GRK5: variants seen among roughly 807,000 people sequenced by gnomAD.
GRK5 encodes the protein g protein-coupled receptor kinase GRK5.
Under a neutral mutation model 78.4 loss-of-function variants are expected in GRK5, and 40 were observed. The observed-to-expected ratio is 0.51, with a 90% CI of 0.40 to 0.66. GRK5 has a LOEUF of 0.66. Ranked by LOEUF, GRK5 falls within the 30% of genes least tolerant of loss-of-function variation. The probability of loss-of-function intolerance (pLI) is 0.00; values close to 1 mark genes in which losing one functional copy is unlikely to be tolerated. For missense variants in GRK5, 598 were observed against 759.9 expected, an observed-to-expected ratio of 0.79 and a Z score of 2.50; for synonymous variants, 289 against 296.8, an observed-to-expected ratio of 0.97 and a Z score of 0.27.
intron 1 of GRK5, among the ~76,000 whole-genome samples, chr10:119,261,258 C>G (rs1158246788): frequency 1.3e-5 from 2 of 150,558 alleles, no homozygotes; most frequent in East Asian, 2.0e-4. Context: ...ACCTCCCAGA[C>G]GGGGTGGCGG....
intron 2 of GRK5, among the ~76,000 whole-genome samples, chr10:119,338,606 AC>A (rs1411510703): frequency 2.0e-5 from 3 of 152,156 alleles, no homozygotes; most frequent in African/African-American, 7.2e-5. Context: ...CATGGTGGAT[AC>A]ATCAGTGAGC....
intron 3 of GRK5, among the ~76,000 whole-genome samples, chr10:119,391,129 T>C: frequency 6.6e-6 from 1 of 152,244 alleles, no homozygotes. Flanking sequence ...GAGTCCATTC[T>C]TCCCTCCCTT....
At chr10:119,384,990 G>A (rs897448055) in intron 3 of GRK5, among the ~76,000 whole-genome samples, 11 of 152,192 alleles carry the variant, frequency 7.2e-5, no homozygotes, top group Admixed American at 5.2e-4. Context: ...TTGAAAAGGC[G>A]ACATTTGACT....
intron 1 of GRK5, among the ~76,000 whole-genome samples, chr10:119,251,576 A>G (rs1053590603): frequency 9.9e-5 from 15 of 152,198 alleles, no homozygotes; most frequent in Non-Finnish European, 2.9e-5. Context: ...TGGAGTTGTA[A>G]TTGTCATACT....
At chr10:119,395,367 G>GGCTGGCCTCCGGA (rs948803344) in intron 3 of GRK5, among the ~76,000 whole-genome samples, 1 of 152,170 alleles carries the variant, frequency 6.6e-6, no homozygotes, top group Non-Finnish European at 1.5e-5. Flanking sequence ...TGCTCCCTTT[G>GGCTGGCCTCCGGA]GCTGGCCTGG....
chr10:119,261,030 G>GA (rs1849378722), intron 1 of GRK5, among the ~76,000 whole-genome samples: 1 of 141,818 alleles, frequency 7.1e-6, no homozygotes. Context: ...TGGCCGGGCA[G>GA]GGGGCTGACC....
At chr10:119,403,526 C>T (rs1019666911) in intron 4 of GRK5, among the ~76,000 whole-genome samples, 14 of 152,198 alleles carry the variant, frequency 9.2e-5, no homozygotes, top group African/African-American at 3.4e-4. Context: ...TGTATCAGCA[C>T]TTCACTCCTT....
intron 1 of GRK5, among the ~76,000 whole-genome samples, chr10:119,311,379 C>T (rs978387562): frequency 6.6e-6 from 1 of 151,666 alleles, no homozygotes; most frequent in South Asian, 2.1e-4. Context: ...GAAGGCCACG[C>T]AGAACGCTTG....
chr10:119,444,816 C>A (rs975148914), intron 12 of GRK5, among the ~76,000 whole-genome samples: 54 of 152,306 alleles, frequency 3.5e-4, no homozygotes, highest in African/African-American at 1.3e-3. Context: ...ACTTTTGGGG[C>A]AGATTCAGCG....
chr10:119,391,379 C>G (rs1287717324), intron 3 of GRK5, among the ~76,000 whole-genome samples: 1 of 152,192 alleles, frequency 6.6e-6, no homozygotes, highest in African/African-American at 2.4e-5. Context: ...CAGTGCCCAC[C>G]CATCTGAAGC....
intron 1 of GRK5, among the ~76,000 whole-genome samples, chr10:119,275,613 G>GCACACA (rs796867686): frequency 2.4e-3 from 291 of 120,754 alleles, no homozygotes; most frequent in African/African-American, 2.9e-3. Context: ...TCTCTCTCTC[G>GCACACA]CACACACACA....
intron 1 of GRK5, among the ~76,000 whole-genome samples, chr10:119,317,102 C>A (rs1472683444): frequency 6.6e-6 from 1 of 152,206 alleles, no homozygotes; most frequent in African/African-American, 2.4e-5. Context: ...CTTTATTATA[C>A]AGTGACAAGT....
At chr10:119,329,293 C>T (rs376686690) in intron 2 of GRK5, among the ~76,000 whole-genome samples, 2 of 152,098 alleles carry the variant, frequency 1.3e-5, no homozygotes, top group Non-Finnish European at 2.9e-5. Context: ...GGAGTAGATG[C>T]GGTGTTTCCT....
intron 1 of GRK5, among the ~76,000 whole-genome samples, chr10:119,297,679 C>T (rs541523278): frequency 6.6e-6 from 1 of 152,182 alleles, no homozygotes; most frequent in Non-Finnish European, 1.5e-5. Context: ...CCCTCTTGCT[C>T]TCTTGCTCTT....
chr10:119,297,187 C>G (rs1402465209), intron 1 of GRK5, among the ~76,000 whole-genome samples: 1 of 152,216 alleles, frequency 6.6e-6, no homozygotes, highest in Non-Finnish European at 1.5e-5. Context: ...GAAATAGAAG[C>G]TACCAGAGAG....
chr10:119,207,818 G>A lies in GRK5; in HGVS notation c.-100G>A. The A allele has an allele frequency of 1.7e-6, 2 of 1,176,992 alleles. No individual in the cohort carries two copies. The highest frequency in any genetic ancestry group is 2.5e-5 in the Admixed American group (1 of 39,570). The allele number at this position is 1,176,992 out of a possible 1,614,324, so 72.9% of individuals were successfully genotyped here. On this transcript the variant is annotated 5_prime_UTR_variant, in exon 1 of 16. Coordinates refer to ENST00000392870, the MANE Select transcript of GRK5 (RefSeq NM_005308.3). The stretch of plus-strand genomic sequence containing the variant: ...GCGGGCTGCTGGCTCCCCCGGCTCC[G>A]GCAGCAGCGGCGGCAGCCCGAGCAG...
chr10:119,301,041 T>G (rs1475221892), intron 1 of GRK5, among the ~76,000 whole-genome samples: 1 of 151,686 alleles, frequency 6.6e-6, no homozygotes, highest in Non-Finnish European at 1.5e-5. Flanking sequence ...GAGGCAGAGG[T>G]TGCAGTGAGC....
intron 2 of GRK5, among the ~76,000 whole-genome samples, chr10:119,366,645 G>A (rs1426747127): frequency 6.6e-6 from 1 of 152,182 alleles, no homozygotes; most frequent in Non-Finnish European, 1.5e-5. Context: ...GCTTTCCCAT[G>A]TCTTTCTATC....
chr10:119,305,806 G>A (rs931461926), intron 1 of GRK5, among the ~76,000 whole-genome samples: 2 of 152,208 alleles, frequency 1.3e-5, no homozygotes, highest in Non-Finnish European at 2.9e-5. Context: ...GGGTATGCAG[G>A]TTTAAAGAAA....
Sources: allele counts gnomAD v4.1 joint callset (sites outside exome capture counted in the v4.1 genomes callset), GRCh38; gene constraint gnomAD v4.1.1; transcripts MANE v1.5; gene names NCBI Gene and HGNC (gene_info 2026-07-23, HGNC 2026-07-21).